UBR2: variants seen among roughly 807,000 people sequenced by gnomAD.
UBR2 encodes the protein ubiquitin protein ligase E3 component n-recognin 2.
In UBR2, 92 loss-of-function variants were observed where a neutral mutation model predicts 247.9. The observed-to-expected ratio is 0.37, with a 90% CI of 0.31 to 0.44. The LOEUF is 0.44. Among genes scored for constraint, UBR2 ranks in the 20% least tolerant of loss-of-function variants. The pLI, the probability that UBR2 is intolerant of heterozygous loss-of-function variation, is 1.00. For missense variants in UBR2, 1,613 were observed against 2,112.6 expected (o/e 0.76, Z 4.64); for synonymous variants, 672 against 693.5 (o/e 0.97, Z 0.49).
In UBR2 at chr6:42,623,694, C is replaced by T. The variant is rs1795147847; in HGVS notation, c.1281+6187C>T. On this transcript the variant is annotated intron_variant, in intron 11 of 46. Coordinates refer to ENST00000372901, the MANE Select transcript of UBR2 (RefSeq NM_001363705.2). The stretch of plus-strand genomic sequence containing the variant: ...CTTGAACTCCTGACCTCGTGATCCA[C>T]CCTCCTCAGCCTCCCCAAGTGCTGG... Among the ~76,000 whole-genome samples, 5 of 152,260 alleles carry T rather than the reference C, an allele frequency of 3.3e-5. No homozygotes were observed. In the South Asian group the frequency reaches 1.0e-3, roughly 32 times the overall value.
intron 2 of UBR2, among the ~76,000 whole-genome samples, chr6:42,584,768 A>AT (rs1384824102): frequency 2.0e-5 from 3 of 151,984 alleles, no homozygotes; most frequent in African/African-American, 7.2e-5. Context: ...AATTTATGAT[A>AT]TTTTTTCTGA....
chr6:42,634,570 T>G (rs1158252983), intron 13 of UBR2, among the ~76,000 whole-genome samples: 1 of 152,254 alleles, frequency 6.6e-6, no homozygotes, highest in Non-Finnish European at 1.5e-5. Context: ...TTCTTCTGCC[T>G]CAGCCTCCCG....
chr6:42,668,838 T>TA (rs1798268651), intron 34 of UBR2, among the ~76,000 whole-genome samples: 1 of 152,114 alleles, frequency 6.6e-6, no homozygotes, highest in Non-Finnish European at 1.5e-5. Context: ...GCCTCCTGAG[T>TA]AGTTGGGATT....
intron 32 of UBR2, among the ~76,000 whole-genome samples, chr6:42,663,630 T>C (rs981865861): frequency 6.6e-6 from 1 of 152,200 alleles, no homozygotes; most frequent in Non-Finnish European, 1.5e-5. Context: ...TTCTAAGCTA[T>C]TAAATTCCTA....
intron 2 of UBR2, among the ~76,000 whole-genome samples, chr6:42,574,966 T>C (rs1452544825): frequency 6.6e-6 from 1 of 152,184 alleles, no homozygotes; most frequent in East Asian, 1.9e-4. Context: ...CCCAAAGTGC[T>C]GGATTACAGG....
intron 10 of UBR2, 45 bp downstream of exon 10, chr6:42,616,135 CTA>C: frequency 7.4e-7 from 1 of 1,358,452 alleles, no homozygotes; most frequent in Non-Finnish European, 1.0e-6. Flanking sequence ...TATAGAGTAA[CTA>C]TGCCCATAAT....
rs1298829924 is a variant in UBR2, at chr6:42,592,169, A to G, written c.357A>G (p.Pro119=). Residue 119 remains proline, a synonymous_variant, in exon 3 of 47, where the codon CCA becomes CCG. Transcript: ENST00000372901. ...TYSCRDCAVD[P]TCVLCMECFL... Reference sequence around the variant, plus strand: ...TTTACAGAGACTGTGCAGTTGATCCAACTTGTGTTTTGTGCATGGAGTGCT... The same window carrying G: ...TTTACAGAGACTGTGCAGTTGATCCGACTTGTGTTTTGTGCATGGAGTGCT... 6.2e-7 allele frequency: 1 copy of G among 1,603,766 alleles called. No homozygotes were observed. The highest frequency in any genetic ancestry group is 1.4e-5 in the African/African-American group (1 of 73,898).
chr6:42,580,973 T>A (rs903971868), intron 2 of UBR2, among the ~76,000 whole-genome samples: 2 of 151,832 alleles, frequency 1.3e-5, no homozygotes, highest in African/African-American at 4.8e-5. Flanking sequence ...GTTGATATTG[T>A]CACCTTAGAT....
chr6:42,630,185 CTTTT>C (rs771762360), intron 11 of UBR2, among the ~76,000 whole-genome samples: 10 of 137,946 alleles, frequency 7.2e-5, no homozygotes, highest in South Asian at 6.9e-4. Context: ...TTATTATTTA[CTTTT>C]TTTTTTTTTT....
chr6:42,650,148 C>G (rs1797032094), intron 22 of UBR2, 136 bp from the exon 23 acceptor site: 1 of 628,250 alleles, frequency 1.6e-6, no homozygotes, highest in East Asian at 3.0e-5. Flanking sequence ...CAAATCAACC[C>G]ACTGAAAATA....
chr6:42,678,663 A>G lies in UBR2; in HGVS notation c.4603A>G (p.Ile1535Val). The G allele has an allele frequency of 6.2e-7, 1 of 1,610,706 alleles. No individual in the cohort carries two copies. The highest frequency in any genetic ancestry group is 8.5e-7 in the Non-Finnish European group (1 of 1,178,966). The part of the protein sequence containing the change: ...YLNGVPSPPD[I>V]QVPGTSHFEH... ...AAATGGAGTTCCTTCCCCACCCGAC[A>G]TTCAAGGTAATTTATACTTTCTTTC... The change falls in exon 41 of 47, where the codon ATT (isoleucine) becomes GTT (valine). Residue 1535 changes from isoleucine to valine, a missense_variant. Physicochemically the swap from Ile to Val is conservative, Grantham distance 29. This residue lies in a region of UBR2 where 1,524 missense variants were observed against 1,967.3 expected (regional missense o/e 0.77). Coordinates refer to ENST00000372901, the MANE Select transcript of UBR2 (RefSeq NM_001363705.2).
At position 42,665,527 on chromosome 6, in the gene UBR2, C is replaced by T; in HGVS notation, c.3802+15C>T. The stretch of plus-strand genomic sequence containing the variant: ...AAGTACTCCTAGTAAGTTCTGGTAA[C>T]CTGTTTTCATTTTTCCCTAAAGTCC... On this transcript the variant is annotated intron_variant, in intron 33 of 46. Transcript: ENST00000372901. 1.3e-6 allele frequency: 2 copies of T among 1,577,196 alleles called. No individual in the cohort carries two copies. The highest frequency in any genetic ancestry group is 1.7e-6 in the Non-Finnish European group (2 of 1,154,394).
intron 34 of UBR2, among the ~76,000 whole-genome samples, chr6:42,666,907 G>C (rs554898957): frequency 6.6e-6 from 1 of 152,286 alleles, no homozygotes; most frequent in Non-Finnish European, 1.5e-5. Flanking sequence ...CAAATTGCTT[G>C]ACCTCTGTGT....
At chr6:42,645,234 G>A (rs528556422) in intron 20 of UBR2, among the ~76,000 whole-genome samples, 1 of 152,112 alleles carries the variant, frequency 6.6e-6, no homozygotes, top group East Asian at 1.9e-4. Context: ...TTTCAAAACA[G>A]CAGAAAGAGC....
intron 18 of UBR2, 119 bp downstream of exon 18, chr6:42,642,600 T>C (rs1054194466): frequency 2.9e-5 from 22 of 752,746 alleles, no homozygotes; most frequent in Non-Finnish European, 4.5e-5. Context: ...TAGCCCTGTC[T>C]CCTCAGCTCC....
At position 42,691,185 on chromosome 6, in the gene UBR2, C is replaced by G; in HGVS notation, c.*12C>G. On this transcript the variant is annotated 3_prime_UTR_variant, in exon 47 of 47. Coordinates refer to ENST00000372901, the MANE Select transcript of UBR2 (RefSeq NM_001363705.2). ...GGCAACATTTATAATTATTGCACCA[C>G]CAAAAAACACAAACTTGGATTTTTT... The G allele has an allele frequency of 6.2e-7, 1 of 1,606,862 alleles. No individual in the cohort carries two copies.
At chr6:42,664,806 T>C (rs1045341548) in intron 32 of UBR2, among the ~76,000 whole-genome samples, 2 of 152,210 alleles carry the variant, frequency 1.3e-5, no homozygotes, top group African/African-American at 4.8e-5. Context: ...CCCATGAGAT[T>C]CAATTATGGT....
chr6:42,622,141 G>C (rs528306184), intron 11 of UBR2, among the ~76,000 whole-genome samples: 1 of 151,656 alleles, frequency 6.6e-6, no homozygotes, highest in Non-Finnish European at 1.5e-5. Context: ...TTAGCCTCCC[G>C]AGTAGCTGGG....
At position 42,663,183 on chromosome 6, in the gene UBR2, T is replaced by TA. The variant is rs1342556390; in HGVS notation, c.3537-72dup. 128 of 1,224,402 alleles carry TA rather than the reference T, an allele frequency of 1.0e-4. 1 individual carries two copies. Among genetic ancestry groups the TA allele is most frequent in the Admixed American group, 9.7e-4 (32 of 32,980 alleles). 75.8% of individuals were successfully genotyped at this position (1,224,402 alleles called of 1,614,324 possible). A position where few individuals can be genotyped will look rare whatever the true frequency, so the allele number is the denominator to read the frequency against. Reference sequence around the variant, plus strand: ...AACTATTTGTGGAAACAAATTATTTTAAATGTTGAAGCTTATGGCTGTCAT... The same window carrying TA: ...AACTATTTGTGGAAACAAATTATTTTAAAATGTTGAAGCTTATGGCTGTCAT... On this transcript the variant is annotated intron_variant, in intron 31 of 46. Coordinates refer to ENST00000372901, the MANE Select transcript of UBR2 (RefSeq NM_001363705.2).
Sources: gnomAD v4.1 joint callset for allele counts (sites outside exome capture counted in the v4.1 genomes callset) on GRCh38, gnomAD v4.1.1 for gene constraint, gnomAD v4.1.1 regional missense constraint, MANE v1.5 for transcripts, NCBI Gene and HGNC (gene_info 2026-07-23, HGNC 2026-07-21) for gene names.